HNRNPK: variants seen among roughly 807,000 people sequenced by gnomAD.
The protein encoded by HNRNPK is dC-stretch binding protein.
Under a neutral mutation model 67.0 loss-of-function variants are expected in HNRNPK, and 7 were observed. That is an observed-to-expected ratio of 0.10 (90% confidence interval 0.06 to 0.20). The LOEUF (loss-of-function observed/expected upper bound fraction) is 0.20, where lower values mean the gene tolerates loss of function less well. HNRNPK is among the 10% of genes least tolerant of loss of function. HNRNPK has a pLI of 1.00. For synonymous variants in HNRNPK, 213 were observed against 193.7 expected, an observed-to-expected ratio of 1.10 and a Z score of -0.83; for missense variants, 264 against 606.5, an observed-to-expected ratio of 0.44 and a Z score of 5.93.
chr9:83,969,805 T>C (rs566934963), intron 16 of HNRNPK: 3 of 621,884 alleles, frequency 4.8e-6, no homozygotes, highest in South Asian at 4.3e-5. Flanking sequence ...GATTTAGTTA[T>C]CTAAAAACAA....
Position 83,974,606 on chromosome 9 carries a change from A to G in HNRNPK, c.258-17T>C. ...CTCAATATGCTGTCAAACACCACAA[A>G]TACCAGATAGTACAAAAAAGGTGGA... On this transcript the variant is annotated splice_polypyrimidine_tract_variant and intron_variant, in intron 6 of 16. Transcript: ENST00000376263. 1 of 1,569,302 alleles carries G rather than the reference A, an allele frequency of 6.4e-7. No homozygotes were observed. Among genetic ancestry groups the G allele is most frequent in the Non-Finnish European group, 8.7e-7 (1 of 1,145,748 alleles).
upstream of HNRNPK, chr9:83,980,385 C>T (rs1298570912): frequency 6.6e-6 from 1 of 152,634 alleles, no homozygotes; most frequent in Admixed American, 6.5e-5. Flanking sequence ...TCCCTTCGGG[C>T]TGGGAGGCCA....
intron 5 of HNRNPK, 176 bp downstream of exon 5, chr9:83,976,819 C>G: frequency 2.1e-6 from 1 of 466,038 alleles, no homozygotes; most frequent in Non-Finnish European, 3.8e-6. Context: ...CCTGCTCAAT[C>G]TGGGCTTTTG....
At chr9:83,977,386 TA>T (rs1193801552) in intron 4 of HNRNPK, among the ~76,000 whole-genome samples, 1 of 152,182 alleles carries the variant, frequency 6.6e-6, no homozygotes, top group Non-Finnish European at 1.5e-5. Context: ...GATCAAACAA[TA>T]AACTGCCAAC....
At chr9:83,977,417 T>C (rs1345737933) in intron 4 of HNRNPK, among the ~76,000 whole-genome samples, 3 of 151,962 alleles carry the variant, frequency 2.0e-5, no homozygotes, top group Admixed American at 1.3e-4. Flanking sequence ...TCCTAAGGAG[T>C]CCACACATAA....
upstream of HNRNPK, chr9:83,980,235 C>G (rs1351167208): frequency 2.0e-5 from 3 of 152,472 alleles, no homozygotes; most frequent in Non-Finnish European, 4.4e-5. Flanking sequence ...CTCCCCTCCC[C>G]CGCCTTCTCG....
chr9:83,977,123 T>A, intron 4 of HNRNPK, 72 bp from the exon 5 acceptor site: 1 of 1,113,834 alleles, frequency 9.0e-7, no homozygotes, highest in Non-Finnish European at 1.4e-6. Context: ...GCTCTTAGAT[T>A]TTGCTAAAAA....
chr9:83,974,192 T>C (rs1057014146), intron 7 of HNRNPK, among the ~76,000 whole-genome samples: 8 of 152,126 alleles, frequency 5.3e-5, no homozygotes, highest in African/African-American at 1.9e-4. Context: ...TAAATCTAAC[T>C]AATTCTCCTT....
chr9:83,978,452 C>G lies in HNRNPK; in HGVS notation c.-107G>C. 9.7e-7 allele frequency: 1 copy of G among 1,029,942 alleles called. No homozygotes were observed. The highest frequency in any genetic ancestry group is 1.3e-6 in the Non-Finnish European group (1 of 773,600). 63.8% of individuals were successfully genotyped at this position (1,029,942 alleles called of 1,614,324 possible). On this transcript the variant is annotated splice_region_variant and 5_prime_UTR_variant, in exon 2 of 17. Transcript: ENST00000376263. ...AACTGACACCCCAGTGCTGCAGTAG[C>G]CTATAAGAACCAACACAAATCAGTT...
intron 1 of HNRNPK, among the ~76,000 whole-genome samples, chr9:83,978,694 A>G (rs747007069): frequency 6.6e-6 from 1 of 152,266 alleles, no homozygotes; most frequent in Non-Finnish European, 1.5e-5. Context: ...GTCCCACCAC[A>G]GCAATGAATT....
intron 1 of HNRNPK, among the ~76,000 whole-genome samples, 171 bp downstream of exon 1, chr9:83,979,982 G>A (rs1480429822): frequency 6.6e-6 from 1 of 152,198 alleles, no homozygotes; most frequent in Non-Finnish European, 1.5e-5. Flanking sequence ...AACGCGGACT[G>A]CGGATACACG....
chr9:83,979,362 T>G (rs907249873), intron 1 of HNRNPK, among the ~76,000 whole-genome samples: 2 of 150,816 alleles, frequency 1.3e-5, no homozygotes, highest in African/African-American at 4.9e-5. Flanking sequence ...GGGAGAAGAG[T>G]TGGATAAGAA....
chr9:83,974,486 G>A (rs1370284758), intron 7 of HNRNPK, 31 bp downstream of exon 7: 5 of 1,112,436 alleles, frequency 4.5e-6, no homozygotes, highest in Admixed American at 1.8e-5. Context: ...CCCTCATATT[G>A]TCAAATACAT....
At chr9:83,977,893 C>T (rs967545362) in intron 3 of HNRNPK, 107 bp from the exon 4 acceptor site, 6 of 709,198 alleles carry the variant, frequency 8.5e-6, no homozygotes, top group Non-Finnish European at 1.4e-5. Flanking sequence ...TTGAAAAGAC[C>T]AAAGGCATTG....
At chr9:83,976,832 A>G (rs1024032113) in intron 5 of HNRNPK, 163 bp downstream of exon 5, 1 of 469,810 alleles carries the variant, frequency 2.1e-6, no homozygotes, top group African/African-American at 2.0e-5. Context: ...GGCTTTTGTT[A>G]AAACAGGAAT....
chr9:83,979,984 G>A (rs1201728712), intron 1 of HNRNPK, among the ~76,000 whole-genome samples, 169 bp downstream of exon 1: 1 of 152,160 alleles, frequency 6.6e-6, no homozygotes, highest in Non-Finnish European at 1.5e-5. Context: ...CGCGGACTGC[G>A]GATACACGCT....
At chr9:83,972,468 C>T (rs563432223) in intron 10 of HNRNPK, among the ~76,000 whole-genome samples, 24 of 152,268 alleles carry the variant, frequency 1.6e-4, no homozygotes, top group African/African-American at 5.3e-4. Flanking sequence ...ACCACAAAGC[C>T]CTCCCATTTT....
At chr9:83,976,043 G>A (rs1170478241) in intron 5 of HNRNPK, among the ~76,000 whole-genome samples, 1 of 152,124 alleles carries the variant, frequency 6.6e-6, no homozygotes, top group Non-Finnish European at 1.5e-5. Context: ...GGATTAAGAG[G>A]AGAGAGGTTT....
rs541953651 is a variant in HNRNPK, at chr9:83,968,765, T to A, written c.*642A>T. 5 of 152,736 alleles carry A rather than the reference T, an allele frequency of 3.3e-5. No individual in the cohort carries two copies. The highest frequency in any genetic ancestry group is 1.2e-4 in the African/African-American group (5 of 41,568). The allele number at this position is 152,736 out of a possible 1,614,324, so 9.5% of individuals were successfully genotyped here. On this transcript the variant is annotated 3_prime_UTR_variant, in exon 17 of 17. Coordinates refer to ENST00000376263, the MANE Select transcript of HNRNPK (RefSeq NM_031263.4). ...CACCAGAACTAAGTTTGCCAAGTTA[T>A]TTTGCCTATGTCCAACAAGAGATGC...
Sources: allele counts gnomAD v4.1 joint callset (sites outside exome capture counted in the v4.1 genomes callset), GRCh38; gene constraint gnomAD v4.1.1; transcripts MANE v1.5; gene names NCBI Gene and HGNC (gene_info 2026-07-23, HGNC 2026-07-21).